The following LRMDA variants were observed in gnomAD, a reference collection of about 807,000 sequenced individuals.
The protein encoded by LRMDA is leucine rich melanocyte differentiation associated.
Under a neutral mutation model 29.8 loss-of-function variants are expected in LRMDA, and 18 were observed. The observed-to-expected ratio is 0.60, with a 90% CI of 0.42 to 0.90. The LOEUF (loss-of-function observed/expected upper bound fraction) is 0.90, where lower values mean the gene tolerates loss of function less well. Ranked by LOEUF, LRMDA falls within the 40% of genes least tolerant of loss-of-function variation. The pLI is 0.00. For synonymous variants in LRMDA, 125 were observed against 109.4 expected, an observed-to-expected ratio of 1.14 and a Z score of -0.89; for missense variants, 273 against 273.9, an observed-to-expected ratio of 1.00 and a Z score of 0.02.
At chr10:76,543,759 C>T (rs552204240) in intron 6 of LRMDA, among the ~76,000 whole-genome samples, 78 of 152,292 alleles carry the variant, frequency 5.1e-4, no homozygotes, top group African/African-American at 1.8e-3. Flanking sequence ...CGCCAGCTTC[C>T]ATGCTTATTA....
chr10:76,554,676 A>C (rs1843532814), intron 6 of LRMDA, among the ~76,000 whole-genome samples: 1 of 152,182 alleles, frequency 6.6e-6, no homozygotes, highest in Non-Finnish European at 1.5e-5. Flanking sequence ...AGGCTCGGGA[A>C]TGTGGCACAG....
intron 5 of LRMDA, among the ~76,000 whole-genome samples, chr10:76,124,259 T>C (rs1457690432): frequency 2.0e-5 from 3 of 152,262 alleles, no homozygotes; most frequent in Non-Finnish European, 2.9e-5. Context: ...TTTCTCAGGA[T>C]GACCCAGAAT....
At chr10:75,483,647 G>A (rs1334302361) in intron 2 of LRMDA, among the ~76,000 whole-genome samples, 1 of 152,084 alleles carries the variant, frequency 6.6e-6, no homozygotes, top group African/African-American at 2.4e-5. Flanking sequence ...TGAATGAAAT[G>A]GAATGAATGA....
chr10:75,882,231 G>A (rs1845306601), intron 2 of LRMDA, among the ~76,000 whole-genome samples: 2 of 152,132 alleles, frequency 1.3e-5, no homozygotes, highest in African/African-American at 4.8e-5. Flanking sequence ...CACAGGTGGT[G>A]GCCAGGAATC....
chr10:76,127,248 A>G (rs1009991000), intron 5 of LRMDA, among the ~76,000 whole-genome samples: 1 of 152,208 alleles, frequency 6.6e-6, no homozygotes, highest in Non-Finnish European at 1.5e-5. Context: ...ATCTCAAAAA[A>G]TGCATATATG....
At chr10:75,672,151 T>C (rs1166976902) in intron 2 of LRMDA, among the ~76,000 whole-genome samples, 1 of 152,110 alleles carries the variant, frequency 6.6e-6, no homozygotes, top group Non-Finnish European at 1.5e-5. Context: ...AAATTCCAAA[T>C]GAGTGGGTTC....
chr10:76,496,505 G>T (rs1375463192), intron 6 of LRMDA, among the ~76,000 whole-genome samples: 1 of 75,228 alleles, frequency 1.3e-5, no homozygotes, highest in African/African-American at 3.2e-5. Flanking sequence ...CGTATATTTT[G>T]TTCAGTATTT....
At chr10:76,351,723 C>G (rs11001744) in intron 6 of LRMDA, among the ~76,000 whole-genome samples, 85,118 of 149,770 alleles carry the variant, frequency 0.57, 28,660 homozygotes, top group Non-Finnish European at 0.78. Context: ...AAAAAAAAAG[C>G]CCCTGTGAGA....
chr10:76,445,627 T>A (rs1016477493), intron 6 of LRMDA, among the ~76,000 whole-genome samples: 5 of 151,986 alleles, frequency 3.3e-5, no homozygotes, highest in Admixed American at 3.3e-4. Context: ...AGCAAATAAG[T>A]TCAACAAACC....
At chr10:75,847,638 A>T (rs1051579222) in intron 2 of LRMDA, among the ~76,000 whole-genome samples, 1 of 152,216 alleles carries the variant, frequency 6.6e-6, no homozygotes, top group African/African-American at 2.4e-5. Context: ...AAGAACTTCT[A>T]CAATTCTATA....
At chr10:76,064,923 T>C (rs1848758908) in intron 5 of LRMDA, among the ~76,000 whole-genome samples, 1 of 152,354 alleles carries the variant, frequency 6.6e-6, no homozygotes, top group East Asian at 1.9e-4. Context: ...CATGTTTTTA[T>C]GATTTTTTTT....
chr10:75,722,180 C>T (rs904181138), intron 2 of LRMDA, among the ~76,000 whole-genome samples: 2 of 152,096 alleles, frequency 1.3e-5, no homozygotes, highest in Non-Finnish European at 2.9e-5. Flanking sequence ...ACTAATCCAT[C>T]CTAGGGCCTG....
chr10:75,505,721 T>A (rs1845162418), intron 2 of LRMDA, among the ~76,000 whole-genome samples: 1 of 152,136 alleles, frequency 6.6e-6, no homozygotes, highest in African/African-American at 2.4e-5. Context: ...TACCCTTTGC[T>A]TAAAGCTGTC....
intron 2 of LRMDA, among the ~76,000 whole-genome samples, chr10:75,920,903 G>C (rs1181950341): frequency 6.6e-6 from 1 of 152,188 alleles, no homozygotes; most frequent in Non-Finnish European, 1.5e-5. Flanking sequence ...AGGGTGTGCG[G>C]ATGGGCCATG....
intron 2 of LRMDA, among the ~76,000 whole-genome samples, chr10:75,494,515 C>CT (rs34902194): frequency 0.016 from 1,633 of 102,836 alleles, 97 homozygotes; most frequent in African/African-American, 0.056. Context: ...ATGTTTGTTC[C>CT]TTTTTTTTTT....
At chr10:76,482,676 T>C (rs1376269112) in intron 6 of LRMDA, among the ~76,000 whole-genome samples, 1 of 151,964 alleles carries the variant, frequency 6.6e-6, no homozygotes, top group Admixed American at 6.6e-5. Context: ...TTAGTTCACA[T>C]ATTTATATAT....
chr10:76,469,085 A>G (rs960707519), intron 6 of LRMDA, among the ~76,000 whole-genome samples: 2 of 152,194 alleles, frequency 1.3e-5, no homozygotes, highest in Non-Finnish European at 2.9e-5. Context: ...ATTTAAGAGC[A>G]ACTACTAAAA....
intron 6 of LRMDA, among the ~76,000 whole-genome samples, chr10:76,472,563 G>C (rs889600055): frequency 6.6e-6 from 1 of 151,448 alleles, no homozygotes. Flanking sequence ...AGAAGTTAAT[G>C]AAATAAAGAA....
At chr10:75,954,367 A>G (rs1264608072) in intron 2 of LRMDA, among the ~76,000 whole-genome samples, 5 of 152,214 alleles carry the variant, frequency 3.3e-5, no homozygotes, top group Non-Finnish European at 5.9e-5. Context: ...GTAAGCTCAT[A>G]TGCAGCCCCA....
Sources: gnomAD v4.1 joint callset for allele counts (sites outside exome capture counted in the v4.1 genomes callset) on GRCh38, gnomAD v4.1.1 for gene constraint, MANE v1.5 for transcripts, NCBI Gene and HGNC (gene_info 2026-07-23, HGNC 2026-07-21) for gene names.